Variants in EIF4E2 observed in about 807,000 individuals in gnomAD.
EIF4E2 encodes eukaryotic translation initiation factor 4E type 2.
In EIF4E2, 13 loss-of-function variants were observed where a neutral mutation model predicts 34.2. The observed-to-expected ratio is 0.38, with a 90% CI of 0.25 to 0.60. The LOEUF (loss-of-function observed/expected upper bound fraction) is 0.60, where lower values mean the gene tolerates loss of function less well. Ranked by LOEUF, EIF4E2 falls within the 20% of genes least tolerant of loss-of-function variation. The pLI is 0.62. For missense variants in EIF4E2, 222 were observed against 315.1 expected, an observed-to-expected ratio of 0.70 and a Z score of 2.24; for synonymous variants, 100 against 106.6, an observed-to-expected ratio of 0.94 and a Z score of 0.38.
chr2:232,573,972 G>T, downstream of EIF4E2: 1 of 600,938 alleles, frequency 1.7e-6, no homozygotes, highest in Non-Finnish European at 3.1e-6. Flanking sequence ...GACCTTACTG[G>T]CCTCCCCTGG....
rs1692930648 is a variant in EIF4E2, at chr2:232,566,299, G to T, written c.376-530G>T. ...CCTCCCGAGTTCACGCCATTCTCCCGCCTCAGCCTCCCGAGTAGCTGGGAC... is the reference window on the plus strand; with the variant it reads ...CCTCCCGAGTTCACGCCATTCTCCCTCCTCAGCCTCCCGAGTAGCTGGGAC... On this transcript the variant is annotated intron_variant, in intron 4 of 6. Coordinates refer to ENST00000258416, the MANE Select transcript of EIF4E2 (RefSeq NM_004846.4). The surrounding 1 kb of genome is among the most constrained non-coding windows in gnomAD (Gnocchi z 4.9). 6.6e-6 allele frequency among the ~76,000 whole-genome samples: 1 copy of T among 151,870 alleles called. No individual in the cohort carries two copies. The highest frequency in any genetic ancestry group is 1.5e-5 in the Non-Finnish European group (1 of 67,992).
Position 232,551,984 on chromosome 2 carries a change from T to C in EIF4E2, c.20+1240T>C, listed in dbSNP as rs560916040. Among the ~76,000 whole-genome samples, 139 of 152,272 alleles carry C rather than the reference T, an allele frequency of 9.1e-4. 1 individual carries two copies. The highest frequency in any genetic ancestry group is 3.0e-3 in the African/African-American group (126 of 41,558). ...ACCTCTCCCCCGCTGCCGCCCCATT[T>C]CATCTCTATTGTAAACCCTGCAACA... On this transcript the variant is annotated intron_variant, in intron 1 of 6. Transcript: ENST00000258416.
Position 232,581,064 on chromosome 2 carries a change from C to G in EIF4E2, c.*121C>G. 1 of 963,308 alleles carries G rather than the reference C, an allele frequency of 1.0e-6. No individual in the cohort carries two copies. The highest frequency in any genetic ancestry group is 1.6e-6 in the Non-Finnish European group (1 of 611,102). 59.7% of individuals were successfully genotyped at this position (963,308 alleles called of 1,614,324 possible). Reference sequence around the variant, plus strand: ...GGACGTCCCTGAGCCGTGCGCTCTCCTTTTGCACTCATTCCTGGAGGACGG... The same window carrying G: ...GGACGTCCCTGAGCCGTGCGCTCTCGTTTTGCACTCATTCCTGGAGGACGG... On this transcript the variant is annotated 3_prime_UTR_variant, in exon 7 of 7. Coordinates refer to the EIF4E2 transcript ENST00000409098. The surrounding 1 kb of genome is among the most constrained non-coding windows in gnomAD (Gnocchi z 5.2).
exon 7 of EIF4E2, chr2:232,582,200 A>C (rs1440430482): frequency 6.5e-6 from 1 of 152,678 alleles, no homozygotes; most frequent in Non-Finnish European, 1.5e-5. Context: ...GCACCGTCTT[A>C]CTTGGCTCTT....
chr2:232,578,621 C>CA (rs373152127), intron 6 of EIF4E2, among the ~76,000 whole-genome samples: 2,488 of 120,120 alleles, frequency 0.021, 70 homozygotes, highest in African/African-American at 0.065. Flanking sequence ...CACTCCATCT[C>CA]AAAAAAAAAA....
intron 2 of EIF4E2, 98 bp from the exon 3 acceptor site, chr2:232,557,786 A>T: frequency 1.5e-6 from 2 of 1,362,214 alleles, no homozygotes; most frequent in Admixed American, 2.0e-5. Flanking sequence ...ATCCTTTTTT[A>T]ATTGTGGAGG....
intron 6 of EIF4E2, among the ~76,000 whole-genome samples, chr2:232,580,116 ACACACACAC>A (rs1693312795): frequency 7.9e-6 from 1 of 126,518 alleles, no homozygotes; most frequent in Non-Finnish European, 1.8e-5. Context: ...ACACACACAC[ACACACACAC>A]ACACACACTT....
At position 232,581,152 on chromosome 2, in the gene EIF4E2, T is replaced by G; in HGVS notation, c.*209T>G. 3 of 699,832 alleles carry G rather than the reference T, an allele frequency of 4.3e-6. No homozygotes were observed. The South Asian group carries it at 4.5e-5, about 11-fold the overall frequency. The allele number at this position is 699,832 out of a possible 1,614,324, so 43.4% of individuals were successfully genotyped here. On this transcript the variant is annotated 3_prime_UTR_variant, in exon 7 of 7. Transcript: ENST00000409098. This position sits in a 1 kb window ranked among gnomAD's most constrained non-coding sequence, Gnocchi z 5.2. ...AAGCGGAAAAACGGAAAACGTGACTTTGTAATAGACAAACATTGTTTTTTA... is the reference window on the plus strand; with the variant it reads ...AAGCGGAAAAACGGAAAACGTGACTGTGTAATAGACAAACATTGTTTTTTA...
intron 6 of EIF4E2, among the ~76,000 whole-genome samples, chr2:232,576,918 A>G (rs939910159): frequency 3.3e-5 from 5 of 152,356 alleles, no homozygotes; most frequent in Non-Finnish European, 5.9e-5. Context: ...TGAATCACAA[A>G]TATTTTTCCT....
At chr2:232,567,246 C>A in intron 6 of EIF4E2, 32 bp downstream of exon 6, 1 of 1,613,042 alleles carries the variant, frequency 6.2e-7, no homozygotes, top group Non-Finnish European at 8.5e-7. Flanking sequence ...GAGGACGTGT[C>A]CCTAAGCTTA....
chr2:232,558,327 C>T (rs148698011), intron 3 of EIF4E2: 228 of 180,062 alleles, frequency 1.3e-3, no homozygotes, highest in Non-Finnish European at 1.8e-3. Context: ...CTCTGTCTCC[C>T]AGGCTGGAAT....
intron 3 of EIF4E2, among the ~76,000 whole-genome samples, chr2:232,562,749 G>A (rs1052822443): frequency 6.6e-6 from 1 of 152,238 alleles, no homozygotes; most frequent in Non-Finnish European, 1.5e-5. Flanking sequence ...ACTAGTGGGT[G>A]TACTTGGTTC....
intron 1 of EIF4E2, 67 bp downstream of exon 1, chr2:232,550,811 G>A: frequency 7.0e-7 from 1 of 1,437,054 alleles, no homozygotes; most frequent in Non-Finnish European, 9.3e-7. Flanking sequence ...GCCCCCGCTG[G>A]GGCTGGGGCG....
chr2:232,574,369 C>A, intron 6 of EIF4E2: 2 of 1,547,950 alleles, frequency 1.3e-6, no homozygotes, highest in Non-Finnish European at 1.7e-6. Context: ...TTCTCTGTAA[C>A]CCTGTGACAT....
chr2:232,559,041 T>A (rs531683377), intron 3 of EIF4E2, among the ~76,000 whole-genome samples: 1 of 148,438 alleles, frequency 6.7e-6, no homozygotes, highest in African/African-American at 2.5e-5. Context: ...TTCTTGAAAT[T>A]GGTGAAGTAT....
rs1391957620 is a variant in EIF4E2, at chr2:232,556,478, G to C, written c.83G>C (p.Gly28Ala). The C allele has an allele frequency of 1.2e-6, 2 of 1,613,688 alleles. No homozygotes were observed. The highest frequency in any genetic ancestry group is 1.7e-6 in the Non-Finnish European group (2 of 1,179,934). ...GAAGAAAACAGCACACAGAAAGATG[G>C]TGAGAAGGAAAAAACGGAACGAGAC... ...QNEENSTQKDGEKEKTERDKN... is the reference protein window; with the variant it reads ...QNEENSTQKDAEKEKTERDKN... The change falls in exon 2 of 7, where the codon GGT (glycine) becomes GCT (alanine). Residue 28 changes from glycine (G) to alanine (A), a missense_variant. Coordinates refer to ENST00000258416, the MANE Select transcript of EIF4E2 (RefSeq NM_004846.4).
rs1693326681 is a variant in EIF4E2, at chr2:232,580,477, A to G, written c.666-427A>G. ...GTAGCCTTGCAAAGTTTCATAATGT[A>G]TATATGAGCAAGTATGAACCTATAA... On this transcript the variant is annotated intron_variant, in intron 6 of 6. Transcript: ENST00000409098. 2.6e-5 allele frequency among the ~76,000 whole-genome samples: 4 copies of G among 152,240 alleles called. 1 individual carries two copies. In the South Asian group the frequency reaches 8.3e-4, roughly 32 times the overall value.
chr2:232,577,733 CT>C lies in EIF4E2; in HGVS notation c.666-3162del, dbSNP rs922502158. Among the ~76,000 whole-genome samples the C allele has an allele frequency of 1.3e-4, 20 of 151,778 alleles. No individual in the cohort carries two copies. The South Asian group carries it at 3.3e-3, about 25-fold the overall frequency. On this transcript the variant is annotated intron_variant, in intron 6 of 6. Transcript: ENST00000409098. The stretch of plus-strand genomic sequence containing the variant: ...AGGAACATCTGGTAGAGAAATAATT[CT>C]TTTTTTTTCTTCCAGCATTGTGGGA...
At chr2:232,567,497 T>C (rs1469519657) in intron 6 of EIF4E2, 2 of 1,262,670 alleles carry the variant, frequency 1.6e-6, no homozygotes, top group African/African-American at 3.1e-5. Flanking sequence ...GTCTTTCATA[T>C]GCTAACCACT....
Sources: gnomAD v4.1 joint callset for allele counts (sites outside exome capture counted in the v4.1 genomes callset) on GRCh38, gnomAD v4.1.1 for gene constraint, Gnocchi (gnomAD v3.1) non-coding constraint, MANE v1.5 for transcripts, NCBI Gene and HGNC (gene_info 2026-07-23, HGNC 2026-07-21) for gene names.